KCTD20: variants seen among roughly 807,000 people sequenced by gnomAD.
The protein encoded by KCTD20 is BTB/POZ domain-containing protein KCTD20.
In KCTD20, 30 loss-of-function variants were observed where a neutral mutation model predicts 39.6. The ratio of observed to expected loss-of-function variants is 0.76; its 90% confidence interval spans 0.57 to 1.03. The LOEUF (loss-of-function observed/expected upper bound fraction) is 1.03. Ranked by LOEUF, KCTD20 falls within the 50% of genes least tolerant of loss-of-function variation. The pLI is 0.00. For missense variants in KCTD20, 422 were observed against 522.0 expected (o/e 0.81, Z 1.87); for synonymous variants, 162 against 180.6 (o/e 0.90, Z 0.83).
chr6:36,457,719 T>A (rs1775481164), intron 1 of KCTD20, among the ~76,000 whole-genome samples: 1 of 152,168 alleles, frequency 6.6e-6, no homozygotes, highest in African/African-American at 2.4e-5. Context: ...AATGCAAAAC[T>A]GTGGCAAGAA....
rs1345159186 is a variant in KCTD20, at chr6:36,479,647, T to TA, written c.595dup (p.Arg199LysfsTer5). The TA allele has an allele frequency of 1.2e-6, 2 of 1,607,614 alleles. No homozygotes were observed. Among genetic ancestry groups the TA allele is most frequent in the Non-Finnish European group, 1.7e-6 (2 of 1,175,790 alleles). On this transcript the variant is annotated frameshift_variant, in exon 5 of 8. Coordinates refer to ENST00000373731, the MANE Select transcript of KCTD20 (RefSeq NM_173562.5). LOFTEE classifies it high-confidence loss of function. Reference sequence around the variant, plus strand: ...CTGATGGCATCTCTATCCCAGATCTTAGAGATACTTGTGATTATCTCTGCA... The same window carrying TA: ...CTGATGGCATCTCTATCCCAGATCTTAAGAGATACTTGTGATTATCTCTGCA...
At chr6:36,456,388 C>G (rs1775434828) in intron 1 of KCTD20, among the ~76,000 whole-genome samples, 1 of 152,148 alleles carries the variant, frequency 6.6e-6, no homozygotes, top group South Asian at 2.1e-4. Context: ...AAGCGATTCT[C>G]CTGCCTCAGA....
intron 6 of KCTD20, among the ~76,000 whole-genome samples, chr6:36,483,378 A>G (rs1776322174): frequency 1.3e-5 from 2 of 148,530 alleles, no homozygotes; most frequent in South Asian, 4.2e-4. Flanking sequence ...ACGTCCGGCT[A>G]ATTTTTGTAT....
intron 7 of KCTD20, among the ~76,000 whole-genome samples, chr6:36,486,101 G>T (rs1776412346): frequency 6.6e-6 from 1 of 151,856 alleles, no homozygotes; most frequent in Non-Finnish European, 1.5e-5. Flanking sequence ...TAAGAGATGA[G>T]GTCTCCCTCT....
intron 1 of KCTD20, among the ~76,000 whole-genome samples, chr6:36,454,314 G>T (rs764541746): frequency 1.3e-5 from 2 of 151,036 alleles, no homozygotes; most frequent in Non-Finnish European, 2.9e-5. Flanking sequence ...TAATAGTATG[G>T]CCCACAAGAC....
At chr6:36,481,211 T>G (rs1375094556) in intron 5 of KCTD20, among the ~76,000 whole-genome samples, 1 of 152,198 alleles carries the variant, frequency 6.6e-6, no homozygotes, top group Non-Finnish European at 1.5e-5. Flanking sequence ...TCTAACTCCA[T>G]GAAATCAGGA....
At position 36,489,722 on chromosome 6, in the gene KCTD20, T is replaced by A; in HGVS notation, c.*2547T>A. On this transcript the variant is annotated 3_prime_UTR_variant, in exon 8 of 8. Coordinates refer to ENST00000373731, the MANE Select transcript of KCTD20 (RefSeq NM_173562.5). ...ATTTTAAAAATGTGAAACTTGGGTT[T>A]GGTGTTTTCTTCTAAGTGCCTAAAT... 6.6e-6 allele frequency: 1 copy of A among 152,194 alleles called. No individual in the cohort carries two copies. The highest frequency in any genetic ancestry group is 6.5e-5 in the Admixed American group (1 of 15,276). 9.4% of individuals were successfully genotyped at this position (152,194 alleles called of 1,614,324 possible). A position where few individuals can be genotyped will look rare whatever the true frequency, so the allele number is the denominator to read the frequency against.
At chr6:36,453,553 T>C (rs1226230517) in intron 1 of KCTD20, among the ~76,000 whole-genome samples, 2 of 151,696 alleles carry the variant, frequency 1.3e-5, no homozygotes, top group East Asian at 3.8e-4. Context: ...TTGCTCTTGT[T>C]GCCCAGGCTG....
intron 5 of KCTD20, among the ~76,000 whole-genome samples, chr6:36,480,039 C>T (rs1278062463): frequency 6.6e-6 from 1 of 152,048 alleles, no homozygotes; most frequent in Non-Finnish European, 1.5e-5. Context: ...GTGATCCGCC[C>T]GCCCTCAGCC....
At position 36,487,266 on chromosome 6, in the gene KCTD20, G is replaced by C; in HGVS notation, c.*91G>C. The C allele has an allele frequency of 7.8e-7, 1 of 1,284,864 alleles. No individual in the cohort carries two copies. Among genetic ancestry groups the C allele is most frequent in the Non-Finnish European group, 1.1e-6 (1 of 917,812 alleles). 79.6% of individuals were successfully genotyped at this position (1,284,864 alleles called of 1,614,324 possible). ...CTCGTGATTTGTCTCACCTTGAGTA[G>C]GAGACATGCTTCTCCCCTAACCTTT... On this transcript the variant is annotated 3_prime_UTR_variant, in exon 8 of 8. Transcript: ENST00000373731.
intron 3 of KCTD20, 125 bp from the exon 4 acceptor site, chr6:36,478,996 G>C (rs1582363313): frequency 1.5e-6 from 1 of 649,450 alleles, no homozygotes; most frequent in South Asian, 1.9e-5. Flanking sequence ...TTCCAGTGCT[G>C]TGTTTTTAAT....
At chr6:36,485,909 A>C (rs1268113914) in intron 7 of KCTD20, among the ~76,000 whole-genome samples, 1 of 150,618 alleles carries the variant, frequency 6.6e-6, no homozygotes, top group African/African-American at 2.4e-5. Flanking sequence ...AAGTTGGAGG[A>C]CTTTTTTTTT....
chr6:36,455,704 T>C (rs1040742667), intron 1 of KCTD20, among the ~76,000 whole-genome samples: 1 of 152,114 alleles, frequency 6.6e-6, no homozygotes, highest in Non-Finnish European at 1.5e-5. Flanking sequence ...CTGAAACCCG[T>C]AAGACAGGTT....
intron 1 of KCTD20, among the ~76,000 whole-genome samples, chr6:36,462,115 G>T (rs1775619222): frequency 6.6e-6 from 1 of 152,042 alleles, no homozygotes; most frequent in Non-Finnish European, 1.5e-5. Flanking sequence ...TTGGGTATCT[G>T]CCCCTTTTCC....
intron 1 of KCTD20, among the ~76,000 whole-genome samples, chr6:36,447,668 T>G (rs1450495356): frequency 1.3e-5 from 2 of 151,700 alleles, no homozygotes; most frequent in East Asian, 3.9e-4. Context: ...TTTGATATAC[T>G]ATTGTGCTTA....
intron 1 of KCTD20, among the ~76,000 whole-genome samples, chr6:36,459,938 C>T (rs1004424508): frequency 3.3e-5 from 5 of 152,138 alleles, no homozygotes; most frequent in African/African-American, 1.2e-4. Flanking sequence ...TTTTTAATTG[C>T]ACTGCTTTAA....
intron 1 of KCTD20, chr6:36,465,455 T>C (rs1775721500): frequency 6.6e-6 from 1 of 151,326 alleles, no homozygotes; most frequent in Non-Finnish European, 1.5e-5. Flanking sequence ...AATAGTGATC[T>C]AGGTAAATAT....
In KCTD20 at chr6:36,469,373, T is replaced by C. The variant is rs1775847396; in HGVS notation, c.-46-679T>C. ...CCATCCTGCCTCATCACTGGGGGTC[T>C]TGCACGTGGCAGTCACATAGTGTGT... On this transcript the variant is annotated intron_variant, in intron 1 of 7. Transcript: ENST00000373731. This position sits in a 1 kb window ranked among gnomAD's most constrained non-coding sequence, Gnocchi z 4.6. 6.6e-6 allele frequency among the ~76,000 whole-genome samples: 1 copy of C among 152,198 alleles called. No individual in the cohort carries two copies. The highest frequency in any genetic ancestry group is 2.1e-4 in the South Asian group (1 of 4,826).
intron 7 of KCTD20, among the ~76,000 whole-genome samples, chr6:36,485,790 C>A (rs1200836577): frequency 1.3e-5 from 2 of 152,110 alleles, no homozygotes; most frequent in East Asian, 3.9e-4. Flanking sequence ...CGGCGCCTGG[C>A]CCCCTATGTG....
Sources: gnomAD v4.1 joint callset for allele counts (sites outside exome capture counted in the v4.1 genomes callset) on GRCh38, gnomAD v4.1.1 for gene constraint, Gnocchi (gnomAD v3.1) non-coding constraint, MANE v1.5 for transcripts, NCBI Gene and HGNC (gene_info 2026-07-23, HGNC 2026-07-21) for gene names.